PCNX2: variants seen among roughly 807,000 people sequenced by gnomAD.
PCNX2 encodes the protein pecanex 2.
In PCNX2, 168 loss-of-function variants were observed where a neutral mutation model predicts 223.8. That is an observed-to-expected ratio of 0.75 (90% CI 0.66 to 0.85). The LOEUF is 0.85. Ranked by LOEUF, PCNX2 falls within the 40% of genes least tolerant of loss-of-function variation. The pLI is 0.00. For missense variants in PCNX2, 2,507 were observed against 2,675.5 expected, an observed-to-expected ratio of 0.94 and a Z score of 1.39; for synonymous variants, 1,006 against 1,052.6, an observed-to-expected ratio of 0.96 and a Z score of 0.86.
chr1:233,070,644 A>G (rs968600587), intron 23 of PCNX2, among the ~76,000 whole-genome samples: 1 of 151,982 alleles, frequency 6.6e-6, no homozygotes, highest in Non-Finnish European at 1.5e-5. Flanking sequence ...CAGAAAAAGC[A>G]AATGACAAGA....
intron 17 of PCNX2, chr1:233,172,354 C>T (rs1232447978): frequency 9.1e-6 from 9 of 985,328 alleles, no homozygotes; most frequent in Non-Finnish European, 1.1e-5. Context: ...TTGGGTACCA[C>T]GTTAAATGTC....
intron 28 of PCNX2, among the ~76,000 whole-genome samples, chr1:233,006,309 A>G (rs762401048): frequency 1.9e-4 from 29 of 152,174 alleles, no homozygotes; most frequent in Non-Finnish European, 3.7e-4. Flanking sequence ...TGAACCCATC[A>G]CTTGCTGTCC....
chr1:233,290,690 T>TA, intron 1 of PCNX2: 1 of 940,752 alleles, frequency 1.1e-6, no homozygotes, highest in Non-Finnish European at 1.3e-6. Flanking sequence ...GCTTGACAGA[T>TA]AATCCTATTA....
chr1:233,148,957 C>T (rs1677631910), intron 19 of PCNX2, among the ~76,000 whole-genome samples: 1 of 152,220 alleles, frequency 6.6e-6, no homozygotes, highest in Non-Finnish European at 1.5e-5. Context: ...CATACACCAA[C>T]CATGAAAGGC....
the PCNX2 span, among the ~76,000 whole-genome samples, chr1:233,310,102 G>A: frequency 6.6e-6 from 1 of 152,100 alleles, no homozygotes. Context: ...CAGAATCTGA[G>A]TCTATATTCA....
At chr1:233,321,716 A>G in the PCNX2 span, among the ~76,000 whole-genome samples, 1 of 152,208 alleles carries the variant, frequency 6.6e-6, no homozygotes, top group African/African-American at 2.4e-5. Flanking sequence ...AGTAAATAAA[A>G]TCGGTATTTT....
chr1:233,146,280 G>C (rs1190857817), intron 19 of PCNX2, among the ~76,000 whole-genome samples: 1 of 152,190 alleles, frequency 6.6e-6, no homozygotes, highest in Non-Finnish European at 1.5e-5. Context: ...ATGTCTGCCA[G>C]AGAGTTGGGG....
At position 233,227,268 on chromosome 1, in the gene PCNX2, T is replaced by C; in HGVS notation, c.2462A>G (p.Lys821Arg). Residue 821 changes from lysine to arginine, a missense_variant, in exon 10 of 34, where the codon AAA (lysine) becomes AGA (arginine). Lys to Arg is a conservative substitution (Grantham distance 26). This residue lies in a region of PCNX2 where 1,031 missense variants were observed against 1,021.7 expected (regional missense o/e 1.01). Transcript: ENST00000258229. ...CAAGGTCAGTCGATCATACCAGACTTTAATCCACTTGCCAGGGAAAATGAT... is the reference window on the plus strand; with the variant it reads ...CAAGGTCAGTCGATCATACCAGACTCTAATCCACTTGCCAGGGAAAATGAT... ...KFIIFPGKWI[K>R]VWYDRLTLLA... The C allele has an allele frequency of 3.1e-6, 5 of 1,613,434 alleles. No individual in the cohort carries two copies. Among genetic ancestry groups the C allele is most frequent in the Non-Finnish European group, 2.5e-6 (3 of 1,179,598 alleles).
At chr1:233,311,454 T>C in the PCNX2 span, among the ~76,000 whole-genome samples, 934 of 152,352 alleles carry the variant, frequency 6.1e-3, 9 homozygotes, top group African/African-American at 0.021. Context: ...TTTATATGTG[T>C]TGCCAGTTCT....
intron 32 of PCNX2, among the ~76,000 whole-genome samples, chr1:232,988,450 G>A (rs1483986460): frequency 6.6e-6 from 1 of 151,808 alleles, no homozygotes; most frequent in African/African-American, 2.4e-5. Context: ...TTTGCAAATG[G>A]AACAGCACTA....
chr1:233,089,959 G>C (rs1558219901), intron 23 of PCNX2, 102 bp downstream of exon 23: 1 of 1,558,152 alleles, frequency 6.4e-7, no homozygotes, highest in Non-Finnish European at 8.6e-7. Flanking sequence ...CCCACAGCAG[G>C]GGGAAGCCTG....
rs993906890 is a variant in PCNX2 at position 233,295,685 on chromosome 1, G to T, written c.-207C>A. The T allele has an allele frequency of 6.3e-6, 3 of 475,236 alleles. No individual in the cohort carries two copies. The highest frequency in any genetic ancestry group is 1.6e-4 in the South Asian group (2 of 12,782). The allele number at this position is 475,236 out of a possible 1,614,324, so 29.4% of individuals were successfully genotyped here. On this transcript the variant is annotated 5_prime_UTR_variant, in exon 1 of 34. Coordinates refer to ENST00000258229, the MANE Select transcript of PCNX2 (RefSeq NM_014801.4). This position sits in a 1 kb window ranked among gnomAD's most constrained non-coding sequence, Gnocchi z 4.1. ...ACCCGCGAACCGCGGCGCCGGAGCCGGCTGCTGCGGCCGGGCAGGTGAGCG... is the reference window on the plus strand; with the variant it reads ...ACCCGCGAACCGCGGCGCCGGAGCCTGCTGCTGCGGCCGGGCAGGTGAGCG...
chr1:233,252,635 C>T lies in PCNX2; in HGVS notation c.1982+6G>A, dbSNP rs1383008254. The T allele has an allele frequency of 2.5e-6, 4 of 1,605,622 alleles. No homozygotes were observed. Among genetic ancestry groups the T allele is most frequent in the Non-Finnish European group, 1.7e-6 (2 of 1,177,718 alleles). On this transcript the variant is annotated splice_donor_region_variant and intron_variant, in intron 6 of 33. Coordinates refer to ENST00000258229, the MANE Select transcript of PCNX2 (RefSeq NM_014801.4). ...AGTGAAACTAAATTAAGTAACTTAT[C>T]CTTACAAGGCTGTGGTCTTGGCAGG... is the stretch of plus-strand genomic sequence containing the variant.
chr1:233,294,182 G>T (rs1572218486), intron 1 of PCNX2, among the ~76,000 whole-genome samples: 1 of 152,126 alleles, frequency 6.6e-6, no homozygotes, highest in East Asian at 1.9e-4. Context: ...TAAACCCAAG[G>T]CCTGAGTCCA....
chr1:233,142,784 T>C (rs189590459), intron 19 of PCNX2, among the ~76,000 whole-genome samples: 12 of 152,244 alleles, frequency 7.9e-5, no homozygotes, highest in African/African-American at 2.9e-4. Context: ...TTACTGGACT[T>C]TTCTGACGCA....
At chr1:233,285,019 C>A (rs75350882) in intron 1 of PCNX2, 115,003 of 984,600 alleles carry the variant, frequency 0.12, 7,261 homozygotes, top group South Asian at 0.17. Flanking sequence ...GCTAACCATA[C>A]CCCTGACATC....
At chr1:233,246,129 A>G (rs1659104573) in intron 8 of PCNX2, among the ~76,000 whole-genome samples, 1 of 152,188 alleles carries the variant, frequency 6.6e-6, no homozygotes, top group African/African-American at 2.4e-5. Context: ...TGCCCTTCAG[A>G]TGGGATGAAT....
At chr1:233,287,937 A>G (rs1558427959) in intron 1 of PCNX2, among the ~76,000 whole-genome samples, 1 of 152,238 alleles carries the variant, frequency 6.6e-6, no homozygotes, top group Admixed American at 6.5e-5. Context: ...TGTCTGCCTC[A>G]TATGTGCTCA....
intron 28 of PCNX2, among the ~76,000 whole-genome samples, chr1:233,011,647 A>G (rs1670473281): frequency 6.6e-6 from 1 of 152,112 alleles, no homozygotes; most frequent in Admixed American, 6.6e-5. Context: ...TAAAAAGCCC[A>G]AAGGACACAG....
Sources: allele counts gnomAD v4.1 joint callset (sites outside exome capture counted in the v4.1 genomes callset), GRCh38; gene constraint gnomAD v4.1.1; regional missense constraint gnomAD v4.1.1; non-coding constraint Gnocchi (gnomAD v3.1); transcripts MANE v1.5; gene names NCBI Gene and HGNC (gene_info 2026-07-23, HGNC 2026-07-21).